Variants in CDC42BPA observed in about 807,000 individuals in gnomAD.
CDC42BPA encodes the protein serine/threonine-protein kinase MRCK alpha.
A neutral mutation model predicts 223.5 loss-of-function variants in CDC42BPA; 80 were observed. That is an observed-to-expected ratio of 0.36 (90% CI 0.30 to 0.43). CDC42BPA has a LOEUF of 0.43. Ranked by LOEUF, CDC42BPA falls within the 20% of genes least tolerant of loss-of-function variation. The probability of loss-of-function intolerance (pLI) is 1.00; values close to 1 mark genes in which losing one functional copy is unlikely to be tolerated. For missense variants in CDC42BPA, 1,743 were observed against 2,099.9 expected (o/e 0.83, Z 3.32); for synonymous variants, 694 against 718.6 (o/e 0.97, Z 0.55).
intron 10 of CDC42BPA, among the ~76,000 whole-genome samples, chr1:227,133,378 G>A (rs1401157024): frequency 1.3e-5 from 2 of 152,138 alleles, no homozygotes; most frequent in East Asian, 3.9e-4. Context: ...TGCCCCATCC[G>A]GGAGGTGAGG....
At chr1:227,180,205 T>C (rs1382950222) in intron 5 of CDC42BPA, among the ~76,000 whole-genome samples, 2 of 152,018 alleles carry the variant, frequency 1.3e-5, no homozygotes, top group East Asian at 3.8e-4. Flanking sequence ...GATTCCGTCA[T>C]AAATCAATCA....
At position 227,020,740 on chromosome 1, in the gene CDC42BPA, C is replaced by A. The variant is rs1261066993; in HGVS notation, c.4615+2523G>T. On this transcript the variant is annotated intron_variant, in intron 32 of 36. Coordinates refer to ENST00000366766, the MANE Select transcript of CDC42BPA (RefSeq NM_001394014.1). ...CATTCATGTGTTCTCTGTAACAGCACTTTATTTCTTTCAAGAACTTTTCCT... is the reference window on the plus strand; with the variant it reads ...CATTCATGTGTTCTCTGTAACAGCAATTTATTTCTTTCAAGAACTTTTCCT... Among the ~76,000 whole-genome samples the A allele has an allele frequency of 2.0e-5, 3 of 152,324 alleles. No homozygotes were observed. The East Asian group carries it at 5.8e-4, about 29-fold the overall frequency.
chr1:227,064,853 T>G (rs184027862), intron 21 of CDC42BPA, among the ~76,000 whole-genome samples: 49 of 152,158 alleles, frequency 3.2e-4, no homozygotes, highest in Admixed American at 1.9e-3. Context: ...ATCCCAGCAC[T>G]TTGGGAGGCC....
At chr1:227,112,234 G>A in intron 14 of CDC42BPA, 78 bp downstream of exon 14, 3 of 729,400 alleles carry the variant, frequency 4.1e-6, no homozygotes, top group Admixed American at 2.6e-5. Context: ...ACCGAATACA[G>A]TATACAAGCT....
At position 227,101,208 on chromosome 1, in the gene CDC42BPA, C is replaced by T. The variant is rs1174363696; in HGVS notation, c.2033G>A (p.Cys678Tyr). 6.3e-7 allele frequency: 1 copy of T among 1,598,490 alleles called. No homozygotes were observed. Among genetic ancestry groups the T allele is most frequent in the Non-Finnish European group, 8.5e-7 (1 of 1,170,052 alleles). ...TATCTCTTGCTGATGTTCTATGCTG[C>T]ATACTCCTGGTGAGTAACTAATTTG... ...QKQISYSPGV[C>Y]SIEHQQEITK... The change falls in exon 15 of 37, where the codon TGC becomes TAC. Residue 678 changes from cysteine to tyrosine, a missense_variant. Physicochemically the swap from Cys to Tyr is radical, Grantham distance 194. Around this residue, in one of 6 missense-constraint regions of CDC42BPA, gnomAD observed 464 missense variants for 488.0 expected, o/e 0.95. Coordinates refer to ENST00000366766, the MANE Select transcript of CDC42BPA (RefSeq NM_001394014.1).
intron 5 of CDC42BPA, among the ~76,000 whole-genome samples, chr1:227,177,520 C>A (rs972804053): frequency 7.2e-5 from 11 of 151,902 alleles, no homozygotes; most frequent in African/African-American, 2.7e-4. Flanking sequence ...GCTTTCAAGA[C>A]TTTTTCTCTA....
At chr1:227,102,752 T>G (rs1475520736) in intron 14 of CDC42BPA, among the ~76,000 whole-genome samples, 5 of 152,170 alleles carry the variant, frequency 3.3e-5, no homozygotes, top group Non-Finnish European at 7.4e-5. Flanking sequence ...TAGGTTTTAT[T>G]GCAGACACCG....
chr1:227,232,098 G>C (rs551923170), intron 2 of CDC42BPA, among the ~76,000 whole-genome samples: 57 of 152,212 alleles, frequency 3.7e-4, no homozygotes, highest in Non-Finnish European at 6.8e-4. Context: ...TTTTCTTCTA[G>C]GGTTTTTATG....
chr1:227,176,965 GCCC>G (rs921765260), intron 5 of CDC42BPA, among the ~76,000 whole-genome samples: 29 of 149,964 alleles, frequency 1.9e-4, no homozygotes, highest in African/African-American at 7.1e-4. Flanking sequence ...GGCTCTTTAT[GCCC>G]CCTACTTTTT....
intron 15 of CDC42BPA, among the ~76,000 whole-genome samples, chr1:227,098,988 T>C (rs1465693113): frequency 2.6e-5 from 4 of 152,112 alleles, no homozygotes; most frequent in Admixed American, 6.6e-5. Context: ...TATAATCTTA[T>C]GGGAACACTA....
chr1:227,040,249 T>C lies in CDC42BPA; in HGVS notation c.3094-13A>G. 6.6e-7 allele frequency: 1 copy of C among 1,519,098 alleles called. No homozygotes were observed. Among genetic ancestry groups the C allele is most frequent in the Non-Finnish European group, 9.1e-7 (1 of 1,094,526 alleles). The allele number at this position is 1,519,098 out of a possible 1,614,324, so 94.1% of individuals were successfully genotyped here. A position where few individuals can be genotyped will look rare whatever the true frequency, so the allele number is the denominator to read the frequency against. On this transcript the variant is annotated splice_polypyrimidine_tract_variant and intron_variant, in intron 23 of 36. Coordinates refer to ENST00000366766, the MANE Select transcript of CDC42BPA (RefSeq NM_001394014.1). The stretch of plus-strand genomic sequence containing the variant: ...GGTGAGTCTTGCGCTGCAAAACAAA[T>C]TGATAAAAAAACACACAGATTGTTT...
At position 227,257,537 on chromosome 1, in the gene CDC42BPA, G is replaced by T. The variant is rs566467294; in HGVS notation, c.179-3382C>A. Among the ~76,000 whole-genome samples the T allele has an allele frequency of 1.2e-4, 18 of 150,890 alleles. 2 individuals carry two copies. Among genetic ancestry groups the T allele is most frequent in the African/African-American group, 4.2e-4 (17 of 40,254 alleles). Reference sequence around the variant, plus strand: ...AGCCAAGGCGGGTGAATCACCTGAGGTCAGGAGTTCAAGACCAGCCTGGTC... The same window carrying T: ...AGCCAAGGCGGGTGAATCACCTGAGTTCAGGAGTTCAAGACCAGCCTGGTC... On this transcript the variant is annotated intron_variant, in intron 1 of 36. Coordinates refer to ENST00000366766, the MANE Select transcript of CDC42BPA (RefSeq NM_001394014.1).
chr1:227,121,035 T>A (rs1355100297), intron 11 of CDC42BPA, among the ~76,000 whole-genome samples: 1 of 152,070 alleles, frequency 6.6e-6, no homozygotes, highest in Admixed American at 6.5e-5. Context: ...TGACAGGAGG[T>A]GGAGCTCAGG....
chr1:227,162,411 C>A (rs570004942), intron 5 of CDC42BPA, among the ~76,000 whole-genome samples: 14 of 152,274 alleles, frequency 9.2e-5, no homozygotes, highest in Non-Finnish European at 1.6e-4. Context: ...TGTATCCATG[C>A]ATATTTTACA....
At position 227,297,967 on chromosome 1, in the gene CDC42BPA, T is replaced by TATATATAC. The variant is rs369403944; in HGVS notation, c.178+19037_178+19038insGTATATAT. Among the ~76,000 whole-genome samples, 61 of 132,082 alleles carry TATATATAC rather than the reference T, an allele frequency of 4.6e-4. 1 individual carries two copies. The highest frequency in any genetic ancestry group is 1.6e-3 in the Admixed American group (21 of 13,266). The allele number at this position is 132,082 out of a possible 152,430, so 86.7% of individuals were successfully genotyped here. A position where few individuals can be genotyped will look rare whatever the true frequency, so the allele number is the denominator to read the frequency against. On this transcript the variant is annotated intron_variant, in intron 1 of 36. Transcript: ENST00000366766. ...GTGTGTGTGTGTGTATATATACATA[T>TATATATAC]ACACACACACACACATATATACATA...
intron 1 of CDC42BPA, among the ~76,000 whole-genome samples, chr1:227,262,053 A>C (rs982212586): frequency 6.6e-6 from 1 of 152,146 alleles, no homozygotes; most frequent in South Asian, 2.1e-4. Context: ...AATTGAAAAA[A>C]AATTAAACTA....
intron 30 of CDC42BPA, among the ~76,000 whole-genome samples, chr1:227,026,551 G>A (rs530089792): frequency 7.3e-4 from 111 of 152,280 alleles, no homozygotes; most frequent in East Asian, 1.7e-3. Context: ...TGTTAAGAAT[G>A]TATAATAAAG....
At chr1:227,276,537 G>C (rs546503005) in intron 1 of CDC42BPA, among the ~76,000 whole-genome samples, 1 of 151,146 alleles carries the variant, frequency 6.6e-6, no homozygotes, top group South Asian at 2.1e-4. Flanking sequence ...CGGGAGGTGC[G>C]GGGCGCCTCT....
chr1:227,232,662 G>T (rs1170189596), intron 2 of CDC42BPA, among the ~76,000 whole-genome samples: 1 of 152,170 alleles, frequency 6.6e-6, no homozygotes, highest in Non-Finnish European at 1.5e-5. Context: ...AGGTCTGTTG[G>T]AGTTTGCTGG....
Sources: allele counts gnomAD v4.1 joint callset (sites outside exome capture counted in the v4.1 genomes callset), GRCh38; gene constraint gnomAD v4.1.1; regional missense constraint gnomAD v4.1.1; transcripts MANE v1.5; gene names NCBI Gene and HGNC (gene_info 2026-07-23, HGNC 2026-07-21).